BCL2: variants seen among roughly 807,000 people sequenced by gnomAD.
BCL2 encodes the protein BCL2 apoptosis regulator, also known as apoptosis regulator Bcl-2.
A neutral mutation model predicts 14.2 loss-of-function variants in BCL2; 1 was observed. The ratio of observed to expected loss-of-function variants is 0.07; its 90% CI spans 0.02 to 0.33. The LOEUF is 0.33. BCL2 is among the 10% of genes least tolerant of loss of function. The pLI, the probability that BCL2 is intolerant of heterozygous loss-of-function variation, is 0.99. For synonymous variants in BCL2, 151 were observed against 137.2 expected, an observed-to-expected ratio of 1.10 and a Z score of -0.70; for missense variants, 247 against 305.9, an observed-to-expected ratio of 0.81 and a Z score of 1.44.
intron 2 of BCL2, among the ~76,000 whole-genome samples, chr18:63,247,563 T>C (rs1386393032): frequency 6.6e-6 from 1 of 152,108 alleles, no homozygotes; most frequent in Non-Finnish European, 1.5e-5. Flanking sequence ...AATCTTCTAC[T>C]AGGGGAAGAA....
intron 2 of BCL2, among the ~76,000 whole-genome samples, chr18:63,229,980 T>G (rs914854565): frequency 2.6e-5 from 4 of 151,752 alleles, no homozygotes; most frequent in Non-Finnish European, 5.9e-5. Context: ...CAGCTCAAGT[T>G]TTTTTTTTAA....
At chr18:63,168,337 TG>T (rs1915095603) in intron 2 of BCL2, among the ~76,000 whole-genome samples, 2 of 152,320 alleles carry the variant, frequency 1.3e-5, no homozygotes, top group South Asian at 4.1e-4. Context: ...GAGACCAGCC[TG>T]GGCAACATAG....
At chr18:63,156,140 G>C (rs540567314) in intron 2 of BCL2, among the ~76,000 whole-genome samples, 110 of 151,524 alleles carry the variant, frequency 7.3e-4, no homozygotes, top group African/African-American at 2.5e-3. Context: ...TGGCAGGGGA[G>C]GGGGGTGTTC....
chr18:63,179,675 C>G (rs923079163), intron 2 of BCL2, among the ~76,000 whole-genome samples: 5 of 152,108 alleles, frequency 3.3e-5, no homozygotes, highest in Non-Finnish European at 1.5e-5. Context: ...CAGTCTTTAC[C>G]CAGCCTGAAT....
chr18:63,272,268 A>G (rs1320247432), intron 2 of BCL2, among the ~76,000 whole-genome samples: 1 of 152,236 alleles, frequency 6.6e-6, no homozygotes, highest in Non-Finnish European at 1.5e-5. Flanking sequence ...TCAAGATCCC[A>G]AGCCAGGATC....
In BCL2 at chr18:63,169,409, TTCTC is replaced by T. The variant is rs139297674; in HGVS notation, c.586-40654_586-40651del. On this transcript the variant is annotated intron_variant, in intron 2 of 2. Coordinates refer to ENST00000333681, the MANE Select transcript of BCL2 (RefSeq NM_000633.3). ...TTTCTTTTTCTTTCTTTCTTTTTCT[TTCTC>T]TCTCTCTCTCTCTCTTTCTTTTTCT... is the stretch of plus-strand genomic sequence containing the variant. Among the ~76,000 whole-genome samples, 87 of 112,730 alleles carry T rather than the reference TTCTC, an allele frequency of 7.7e-4. 3 individuals are homozygous for T. The highest frequency in any genetic ancestry group is 1.3e-3 in the Admixed American group (14 of 11,110). 74.0% of individuals were successfully genotyped at this position (112,730 alleles called of 152,430 possible).
In BCL2 at chr18:63,318,786, T is replaced by G. The variant is rs1206491803; in HGVS notation, c.-120A>C. 3.3e-6 allele frequency: 5 copies of G among 1,496,238 alleles called. No individual in the cohort carries two copies. The highest frequency in any genetic ancestry group is 1.4e-5 in the African/African-American group (1 of 69,746). 92.7% of individuals were successfully genotyped at this position (1,496,238 alleles called of 1,614,324 possible). ...CTATTTTATTGGATGTGCTTTGCAT[T>G]CTTGGACGAGGGGGTGTCTTCAATC... On this transcript the variant is annotated 5_prime_UTR_variant, in exon 2 of 3. Coordinates refer to ENST00000333681, the MANE Select transcript of BCL2 (RefSeq NM_000633.3). This position sits in a 1 kb window ranked among gnomAD's most constrained non-coding sequence, Gnocchi z 7.4.
chr18:63,239,302 G>A (rs1910928177), intron 2 of BCL2, among the ~76,000 whole-genome samples: 1 of 152,218 alleles, frequency 6.6e-6, no homozygotes, highest in Non-Finnish European at 1.5e-5. Context: ...CCTCCCCTGA[G>A]CATCTCTTAG....
chr18:63,279,546 A>G (rs1912250368), intron 2 of BCL2, among the ~76,000 whole-genome samples: 1 of 152,276 alleles, frequency 6.6e-6, no homozygotes, highest in Non-Finnish European at 1.5e-5. Context: ...ATACAAAACA[A>G]CAGGAACTCT....
intron 2 of BCL2, among the ~76,000 whole-genome samples, chr18:63,264,348 C>T (rs557361788): frequency 1.3e-5 from 2 of 152,302 alleles, no homozygotes; most frequent in African/African-American, 2.4e-5. Context: ...TACACACCCC[C>T]TGTAAAACTG....
chr18:63,257,406 A>C (rs1020889243), intron 2 of BCL2, among the ~76,000 whole-genome samples: 1 of 152,270 alleles, frequency 6.6e-6, no homozygotes, highest in African/African-American at 2.4e-5. Context: ...ATTCTAAAGT[A>C]CTAAACAAAC....
rs1409414827 is a variant in BCL2, at chr18:63,319,607, G to A, written c.-720C>T. 8.9e-6 allele frequency: 2 copies of A among 225,212 alleles called. No individual in the cohort carries two copies. Among genetic ancestry groups the A allele is most frequent in the Non-Finnish European group, 1.8e-5 (2 of 113,098 alleles). 14.0% of individuals were successfully genotyped at this position (225,212 alleles called of 1,614,324 possible). ...CCCAGGAGAGAGACAGGGGAGAGGG[G>A]ACGATGAAGGAGCCGGGGACGGAGG... is the stretch of plus-strand genomic sequence containing the variant. On this transcript the variant is annotated 5_prime_UTR_variant, in exon 1 of 3. Coordinates refer to ENST00000333681, the MANE Select transcript of BCL2 (RefSeq NM_000633.3).
At chr18:63,148,453 G>A (rs1268937416) in intron 2 of BCL2, among the ~76,000 whole-genome samples, 1 of 152,132 alleles carries the variant, frequency 6.6e-6, no homozygotes, top group Non-Finnish European at 1.5e-5. Flanking sequence ...CCATATAAAT[G>A]AGAAAAGAAT....
intron 2 of BCL2, among the ~76,000 whole-genome samples, chr18:63,188,644 C>T (rs947526941): frequency 1.3e-5 from 2 of 151,866 alleles, no homozygotes; most frequent in African/African-American, 4.8e-5. Context: ...ACTCATTTTA[C>T]CATAATACTA....
intron 2 of BCL2, among the ~76,000 whole-genome samples, chr18:63,138,675 G>A (rs1568213257): frequency 6.6e-6 from 1 of 152,198 alleles, no homozygotes; most frequent in East Asian, 1.9e-4. Context: ...CAGGGGGAGG[G>A]GCTGGTTGAA....
chr18:63,222,198 T>C (rs187426843), intron 2 of BCL2, among the ~76,000 whole-genome samples: 120 of 145,030 alleles, frequency 8.3e-4, no homozygotes, highest in Non-Finnish European at 1.5e-3. Context: ...TATCTGAACT[T>C]GGGAGGCAGA....
intron 2 of BCL2, among the ~76,000 whole-genome samples, chr18:63,305,016 G>A (rs1304653107): frequency 6.6e-6 from 1 of 152,066 alleles, no homozygotes; most frequent in Non-Finnish European, 1.5e-5. Context: ...TAGAGACCTC[G>A]CACGTCAATC....
intron 2 of BCL2, among the ~76,000 whole-genome samples, chr18:63,193,598 G>T (rs1056630190): frequency 1.3e-4 from 19 of 150,308 alleles, no homozygotes; most frequent in African/African-American, 4.6e-4. Context: ...GTGTGTGTGT[G>T]TGTGTGTGTG....
rs1447201752 is a variant in BCL2 at position 63,167,288 on chromosome 18, T to G, written c.586-38529A>C. The stretch of plus-strand genomic sequence containing the variant: ...AATATCATCTATTCATTTATCTACT[T>G]CTTTTTCTCTTTCTCTCCATCCAAC... On this transcript the variant is annotated intron_variant, in intron 2 of 2. Coordinates refer to ENST00000333681, the MANE Select transcript of BCL2 (RefSeq NM_000633.3). Among the ~76,000 whole-genome samples, 3 of 152,184 alleles carry G rather than the reference T, an allele frequency of 2.0e-5. No individual in the cohort carries two copies. In the East Asian group the frequency reaches 5.8e-4, roughly 29 times the overall value.
Sources: gnomAD v4.1 joint callset for allele counts (sites outside exome capture counted in the v4.1 genomes callset) on GRCh38, gnomAD v4.1.1 for gene constraint, Gnocchi (gnomAD v3.1) non-coding constraint, MANE v1.5 for transcripts, NCBI Gene and HGNC (gene_info 2026-07-23, HGNC 2026-07-21) for gene names.